The following LRRN2 variants were observed in gnomAD, a reference collection of about 807,000 sequenced individuals.
LRRN2 encodes the protein leucine rich repeat neuronal 2.
LRRN2 carries 10 observed loss-of-function variants against 35.7 expected under a neutral mutation model. The observed-to-expected ratio is 0.28, with a 90% CI of 0.17 to 0.47. The LOEUF is 0.47. LRRN2 is among the 20% of genes least tolerant of loss of function. The probability of loss-of-function intolerance (pLI) is 0.99; values close to 1 mark genes in which losing one functional copy is unlikely to be tolerated. For missense variants in LRRN2, 731 were observed against 940.3 expected, an observed-to-expected ratio of 0.78 and a Z score of 2.91; for synonymous variants, 391 against 409.6, an observed-to-expected ratio of 0.95 and a Z score of 0.55.
In LRRN2 at chr1:204,618,154, G is replaced by A; in HGVS notation, c.1839C>T (p.Ala613=). Residue 613 remains alanine (A), a synonymous_variant, in exon 2 of 2, where the codon GCC becomes GCT. Coordinates refer to ENST00000367177, the MANE Select transcript of LRRN2 (RefSeq NM_201630.2). ...GGCAAGAAGTGGCCTCTTTGGTCCTGGCCCATACACAAGCCAACTGGGTGT... is the reference window on the plus strand; with the variant it reads ...GGCAAGAAGTGGCCTCTTTGGTCCTAGCCCATACACAAGCCAACTGGGTGT... The part of the protein sequence containing the change: ...DAHTQLACVW[A]RTKEATSCHR... 1 of 1,614,120 alleles carries A rather than the reference G, an allele frequency of 6.2e-7. No homozygotes were observed.
Position 204,652,257 on chromosome 1 carries a change from ACCG to A in LRRN2, c.-226-32042_-226-32040del, listed in dbSNP as rs1668245228. Among the ~76,000 whole-genome samples, 14 of 10,884 alleles carry A rather than the reference ACCG, an allele frequency of 1.3e-3. No homozygotes were observed. In the Admixed American group the frequency reaches 0.014, roughly 11 times the overall value. 7.1% of individuals were successfully genotyped at this position (10,884 alleles called of 152,430 possible). A position where few individuals can be genotyped will look rare whatever the true frequency, so the allele number is the denominator to read the frequency against. On this transcript the variant is annotated intron_variant, in intron 1 of 1. Transcript: ENST00000367177. ...CTCTCCCCTTCGCCCTCTCCTCTTC[ACCG>A]CCCCCCCCCCGCCCCCCCGCCGCCT... is the stretch of plus-strand genomic sequence containing the variant.
At chr1:204,635,582 C>CT (rs1667813537) in intron 1 of LRRN2, among the ~76,000 whole-genome samples, 1 of 152,206 alleles carries the variant, frequency 6.6e-6, no homozygotes, top group Admixed American at 6.5e-5. Context: ...AATAAAATCT[C>CT]TATCGATCAC....
rs112961902 is a variant in LRRN2 at position 204,618,634 on chromosome 1, G to A, written c.1359C>T (p.Pro453=). 1.0e-3 allele frequency: 1,628 copies of A among 1,611,440 alleles called. 15 individuals are homozygous for A. The African/African-American group carries it at 0.019, about 19-fold the overall frequency. Residue 453 remains proline, a synonymous_variant, in exon 2 of 2, where the codon CCC becomes CCT. Coordinates refer to ENST00000367177, the MANE Select transcript of LRRN2 (RefSeq NM_201630.2). ...CAGCTGGAGTGACCCAGTAGATCTC[G>A]GGTTCGGGTTCGGCCAGTGCCCGGC... ...LHCRALAEPE[P]EIYWVTPAGL... is the part of the protein sequence containing the mutation.
chr1:204,633,867 G>A (rs1667768145), intron 1 of LRRN2, among the ~76,000 whole-genome samples: 1 of 152,210 alleles, frequency 6.6e-6, no homozygotes. Context: ...CTGGCCCCTG[G>A]CCTAAGCTCG....
chr1:204,663,539 G>A (rs1668513459), intron 1 of LRRN2, among the ~76,000 whole-genome samples: 2 of 152,086 alleles, frequency 1.3e-5, no homozygotes, highest in Admixed American at 1.3e-4. Context: ...CCAAGCAAAC[G>A]TTTTTAGCCC....
Position 204,659,146 on chromosome 1 carries a change from C to T in LRRN2, c.-227+26174G>A, listed in dbSNP as rs367588412. 9.2e-5 allele frequency among the ~76,000 whole-genome samples: 14 copies of T among 152,278 alleles called. No homozygotes were observed. In the East Asian group the frequency reaches 1.4e-3, roughly 15 times the overall value. On this transcript the variant is annotated intron_variant, in intron 1 of 1. Coordinates refer to ENST00000367177, the MANE Select transcript of LRRN2 (RefSeq NM_201630.2). ...CATTACATTTCTCAGTCATACTTTA[C>T]TGCATTTTATGGGGGAAATTATGTG...
chr1:204,631,897 T>C (rs1571643832), intron 1 of LRRN2, among the ~76,000 whole-genome samples: 1 of 152,060 alleles, frequency 6.6e-6, no homozygotes, highest in Non-Finnish European at 1.5e-5. Context: ...CTGGACACAA[T>C]ACCCAGGCAG....
chr1:204,633,946 G>A lies in LRRN2; in HGVS notation c.-226-13728C>T, dbSNP rs942096402. ...CTTCCTCTCCTCCACACCCATCCAC[G>A]CCTTCCAAGCCCAGTGTACCTGCTG... On this transcript the variant is annotated intron_variant, in intron 1 of 1. Coordinates refer to ENST00000367177, the MANE Select transcript of LRRN2 (RefSeq NM_201630.2). Among the ~76,000 whole-genome samples, 5 of 152,258 alleles carry A rather than the reference G, an allele frequency of 3.3e-5. 1 individual carries two copies. Among genetic ancestry groups the A allele is most frequent in the Middle Eastern group, 3.4e-3 (1 of 294 alleles).
chr1:204,659,631 TG>T (rs1668430178), intron 1 of LRRN2, among the ~76,000 whole-genome samples: 1 of 152,010 alleles, frequency 6.6e-6, no homozygotes, highest in African/African-American at 2.4e-5. Context: ...TGTGTGTGTG[TG>T]TGTGTGTGAT....
chr1:204,679,879 G>GA (rs199951904), intron 1 of LRRN2, among the ~76,000 whole-genome samples: 1 of 152,006 alleles, frequency 6.6e-6, no homozygotes, highest in Non-Finnish European at 1.5e-5. Context: ...GGAGCAGGAG[G>GA]AAAAAAAAGG....
At chr1:204,679,154 A>G (rs1046229596) in intron 1 of LRRN2, among the ~76,000 whole-genome samples, 3 of 152,166 alleles carry the variant, frequency 2.0e-5, no homozygotes, top group Non-Finnish European at 4.4e-5. Flanking sequence ...GCACTTTCTC[A>G]GGCTCGAGGC....
At position 204,619,358 on chromosome 1, in the gene LRRN2, A is replaced by G; in HGVS notation, c.635T>C (p.Leu212Pro). Residue 212 changes from leucine (L) to proline (P), a missense_variant, in exon 2 of 2, where the codon CTG becomes CCG. Physicochemically the swap from Leu to Pro is moderately conservative, Grantham distance 98. Transcript: ENST00000367177. ...TAGCACCAGGCTACGCAGGTTGGCC[A>G]GGGGCCGGAAGTTCATGTCCAGGAT... is the stretch of plus-strand genomic sequence containing the variant. ...DAILDMNFRP[L>P]ANLRSLVLAG... 1 of 1,614,252 alleles carries G rather than the reference A, an allele frequency of 6.2e-7. No homozygotes were observed. Among genetic ancestry groups the G allele is most frequent in the Non-Finnish European group, 8.5e-7 (1 of 1,180,052 alleles).
chr1:204,642,393 T>C (rs1667998425), intron 1 of LRRN2, among the ~76,000 whole-genome samples: 1 of 152,192 alleles, frequency 6.6e-6, no homozygotes, highest in Non-Finnish European at 1.5e-5. Context: ...TACATGGGAC[T>C]GACCTGTGCC....
At position 204,620,123 on chromosome 1, in the gene LRRN2, C is replaced by T. The variant is rs1376985405; in HGVS notation, c.-131G>A. 1.8e-5 allele frequency: 27 copies of T among 1,467,240 alleles called. No homozygotes were observed. Among genetic ancestry groups the T allele is most frequent in the Middle Eastern group, 2.5e-4 (1 of 3,996 alleles). 90.9% of individuals were successfully genotyped at this position (1,467,240 alleles called of 1,614,324 possible). The stretch of plus-strand genomic sequence containing the variant: ...CCCTCCCAGGGCAGTCATTCTACAC[C>T]GGGCGTCACTTCTTGCCCTCCTCAA... On this transcript the variant is annotated 5_prime_UTR_variant, in exon 2 of 2. Transcript: ENST00000367177.
At chr1:204,675,043 G>A (rs1272199961) in intron 1 of LRRN2, among the ~76,000 whole-genome samples, 1 of 152,188 alleles carries the variant, frequency 6.6e-6, no homozygotes. Context: ...GTGGACCGTG[G>A]GTTGCAGTCC....
intron 1 of LRRN2, among the ~76,000 whole-genome samples, chr1:204,674,802 G>A (rs1668788026): frequency 6.6e-6 from 1 of 152,222 alleles, no homozygotes; most frequent in Admixed American, 6.5e-5. Context: ...GGCTGCGGAT[G>A]TTTGGAGAAA....
At chr1:204,644,701 C>G (rs1302500819) in intron 1 of LRRN2, among the ~76,000 whole-genome samples, 2 of 152,234 alleles carry the variant, frequency 1.3e-5, no homozygotes, top group African/African-American at 4.8e-5. Context: ...CTGAGCTTCT[C>G]AAGAGCAGGG....
chr1:204,637,645 CGTGTGTGTGTGTGTGT>C lies in LRRN2; in HGVS notation c.-226-17443_-226-17428del, dbSNP rs67761829. The stretch of plus-strand genomic sequence containing the variant: ...AGAGTCTGCCTATTGCAGCACGTGA[CGTGTGTGTGTGTGTGT>C]GTGTGTGTGTGTGTGTGTGTGTGTG... On this transcript the variant is annotated intron_variant, in intron 1 of 1. Transcript: ENST00000367177. Among the ~76,000 whole-genome samples, 74 of 130,024 alleles carry C rather than the reference CGTGTGTGTGTGTGTGT, an allele frequency of 5.7e-4. 2 individuals are homozygous for C. The highest frequency in any genetic ancestry group is 4.2e-3 in the East Asian group (18 of 4,264). The allele number at this position is 130,024 out of a possible 152,430, so 85.3% of individuals were successfully genotyped here. A position where few individuals can be genotyped will look rare whatever the true frequency, so the allele number is the denominator to read the frequency against.
Position 204,619,244 on chromosome 1 carries a change from G to T in LRRN2, c.749C>A (p.Ala250Asp), listed in dbSNP as rs143563018. 8.7e-6 allele frequency: 14 copies of T among 1,614,022 alleles called. No homozygotes were observed. The African/African-American group carries it at 1.7e-4, about 20-fold the overall frequency. ...ESLSFYDNQL[A>D]RVPRRALEQV... ...TTCCAGTGCCCGCCTGGGCACCCGG[G>T]CCAGCTGGTTGTCATAGAAGGAGAG... Residue 250 changes from alanine to aspartate, a missense_variant, in exon 2 of 2, where the codon GCC (alanine) becomes GAC (aspartate). Ala to Asp is a moderately radical substitution (Grantham distance 126). Transcript: ENST00000367177.
Sources: gnomAD v4.1 joint callset for allele counts (sites outside exome capture counted in the v4.1 genomes callset) on GRCh38, gnomAD v4.1.1 for gene constraint, MANE v1.5 for transcripts, NCBI Gene and HGNC (gene_info 2026-07-23, HGNC 2026-07-21) for gene names.